The following MALT1 variants were observed in gnomAD, a reference collection of about 807,000 sequenced individuals.
MALT1 encodes the protein MALT1 paracaspase, also known as mucosa-associated lymphoid tissue lymphoma translocation protein 1.
MALT1 carries 36 observed loss-of-function variants against 85.5 expected under a neutral mutation model. The observed-to-expected ratio is 0.42, with a 90% CI of 0.32 to 0.56. The LOEUF (loss-of-function observed/expected upper bound fraction) is 0.56, where lower values mean the gene tolerates loss of function less well. Ranked by LOEUF, MALT1 falls within the 20% of genes least tolerant of loss-of-function variation. The pLI, the probability that MALT1 is intolerant of heterozygous loss-of-function variation, is 0.10. For missense variants in MALT1, 716 were observed against 981.6 expected, an observed-to-expected ratio of 0.73 and a Z score of 3.62; for synonymous variants, 359 against 361.3, an observed-to-expected ratio of 0.99 and a Z score of 0.07.
At chr18:58,695,128 C>G (rs561303940) in intron 2 of MALT1, among the ~76,000 whole-genome samples, 1 of 152,212 alleles carries the variant, frequency 6.6e-6, no homozygotes, top group African/African-American at 2.4e-5. Flanking sequence ...GTGAGACATG[C>G]CTTTCACCTT....
chr18:58,731,856 G>A (rs1431064801), intron 10 of MALT1, among the ~76,000 whole-genome samples: 1 of 151,908 alleles, frequency 6.6e-6, no homozygotes, highest in Non-Finnish European at 1.5e-5. Flanking sequence ...CTTCTTTTTT[G>A]TTTCTCTCAG....
intron 1 of MALT1, among the ~76,000 whole-genome samples, chr18:58,676,877 A>G (rs980210048): frequency 1.3e-5 from 2 of 152,220 alleles, no homozygotes; most frequent in African/African-American, 4.8e-5. Flanking sequence ...CCAAATAGTA[A>G]ATGTACCAAG....
rs140149024 is a variant in MALT1, at chr18:58,722,120, T to TTTA, written c.1019-928_1019-927insTTA. 3.9e-4 allele frequency among the ~76,000 whole-genome samples: 59 copies of TTTA among 150,728 alleles called. No homozygotes were observed. The East Asian group carries it at 8.9e-3, about 23-fold the overall frequency. ...GGTGTGTTCTTTATTTTTTTTTTTTTATTTTTTTCTTCCCTTTGATACCAG... is the reference window on the plus strand; with the variant it reads ...GGTGTGTTCTTTATTTTTTTTTTTTTTTAATTTTTTTCTTCCCTTTGATACCAG... On this transcript the variant is annotated intron_variant, in intron 9 of 16. Transcript: ENST00000649217.
chr18:58,674,976 A>G (rs975186199), intron 1 of MALT1, among the ~76,000 whole-genome samples: 3 of 152,252 alleles, frequency 2.0e-5, no homozygotes, highest in Non-Finnish European at 4.4e-5. Context: ...ACAAGAGATT[A>G]GAAATAATTG....
intron 2 of MALT1, among the ~76,000 whole-genome samples, chr18:58,686,578 A>T (rs2054406911): frequency 6.6e-6 from 1 of 152,204 alleles, no homozygotes; most frequent in Non-Finnish European, 1.5e-5. Flanking sequence ...TTCACTCTTC[A>T]TATGAAAGGT....
chr18:58,693,315 G>C (rs751128514), intron 2 of MALT1, among the ~76,000 whole-genome samples: 2 of 152,252 alleles, frequency 1.3e-5, no homozygotes, highest in African/African-American at 2.4e-5. Flanking sequence ...CCAGCCACTC[G>C]GGAGGCTGAG....
At chr18:58,674,200 G>C (rs2054207446) in intron 1 of MALT1, 1 of 152,226 alleles carries the variant, frequency 6.6e-6, no homozygotes, top group Non-Finnish European at 1.5e-5. Flanking sequence ...TCCAAAAGCA[G>C]CGGATACTTG....
At chr18:58,678,534 T>C (rs2054274215) in intron 1 of MALT1, among the ~76,000 whole-genome samples, 1 of 152,160 alleles carries the variant, frequency 6.6e-6, no homozygotes, top group African/African-American at 2.4e-5. Context: ...ATAATCTAGT[T>C]GGATAAGGCA....
intron 8 of MALT1, among the ~76,000 whole-genome samples, 165 bp from the exon 9 acceptor site, chr18:58,715,770 C>T (rs988755460): frequency 1.3e-5 from 2 of 152,158 alleles, no homozygotes; most frequent in African/African-American, 4.8e-5. Flanking sequence ...CTATTGTGAA[C>T]ACCACCATCG....
At chr18:58,699,259 G>C (rs1490484462) in intron 3 of MALT1, among the ~76,000 whole-genome samples, 2 of 152,208 alleles carry the variant, frequency 1.3e-5, no homozygotes, top group African/African-American at 4.8e-5. Context: ...ATTTCTGTCT[G>C]AAGTCAGTGC....
intron 9 of MALT1, 133 bp from the exon 10 acceptor site, chr18:58,722,915 T>C (rs1568145576): frequency 1.6e-6 from 1 of 636,254 alleles, no homozygotes; most frequent in East Asian, 2.8e-5. Flanking sequence ...TAAAATGAAA[T>C]TAAATAATGA....
chr18:58,731,972 C>T (rs141571705), intron 10 of MALT1, among the ~76,000 whole-genome samples: 13 of 152,212 alleles, frequency 8.5e-5, no homozygotes, highest in African/African-American at 2.6e-4. Context: ...TTTGAAAGAA[C>T]CATTTTTCTC....
chr18:58,728,879 G>T (rs1041137491), intron 10 of MALT1, among the ~76,000 whole-genome samples: 6 of 152,120 alleles, frequency 3.9e-5, no homozygotes, highest in African/African-American at 1.2e-4. Context: ...CCTCAGAGTT[G>T]TATCTTCACC....
Position 58,750,261 on chromosome 18 carries a change from T to C in MALT1, c.*2419T>C, listed in dbSNP as rs1219145430. 6.7e-5 allele frequency: 11 copies of C among 165,386 alleles called. No homozygotes were observed. The highest frequency in any genetic ancestry group is 5.8e-4 in the Admixed American group (9 of 15,584). 10.2% of individuals were successfully genotyped at this position (165,386 alleles called of 1,614,324 possible). A position where few individuals can be genotyped will look rare whatever the true frequency, so the allele number is the denominator to read the frequency against. ...TCCAACACGTTTAAAGAAATTAAGATCCAGATAAATGGAAAGACATCCATG... is the reference window on the plus strand; with the variant it reads ...TCCAACACGTTTAAAGAAATTAAGACCCAGATAAATGGAAAGACATCCATG... On this transcript the variant is annotated 3_prime_UTR_variant, in exon 17 of 17. Transcript: ENST00000649217.
rs971861538 is a variant in MALT1, at chr18:58,748,704, A to G, written c.*862A>G. On this transcript the variant is annotated 3_prime_UTR_variant, in exon 17 of 17. Coordinates refer to ENST00000649217, the MANE Select transcript of MALT1 (RefSeq NM_006785.4). ...TCTTGAATTTCACTGGCCTAATGAG[A>G]TAATACTCTTATCTTTGGCTCTACC... 3.1e-5 allele frequency: 6 copies of G among 194,804 alleles called. No homozygotes were observed. The highest frequency in any genetic ancestry group is 1.8e-3 in the Middle Eastern group (1 of 560). The allele number at this position is 194,804 out of a possible 1,614,324, so 12.1% of individuals were successfully genotyped here. A position where few individuals can be genotyped will look rare whatever the true frequency, so the allele number is the denominator to read the frequency against.
At position 58,748,475 on chromosome 18, in the gene MALT1, TTTAG is replaced by T. The variant is rs1304594583; in HGVS notation, c.*637_*640del. On this transcript the variant is annotated 3_prime_UTR_variant, in exon 17 of 17. Transcript: ENST00000649217. ...TGATTATAAGGACTTCACTGCAAGTTTTAGTTAAGAGGTTTGTATATAAATCTGT... is the reference window on the plus strand; with the variant it reads ...TGATTATAAGGACTTCACTGCAAGTTTTAAGAGGTTTGTATATAAATCTGT... 10 of 183,420 alleles carry T rather than the reference TTTAG, an allele frequency of 5.5e-5. No homozygotes were observed. In the East Asian group the frequency reaches 8.7e-4, roughly 16 times the overall value. The allele number at this position is 183,420 out of a possible 1,614,324, so 11.4% of individuals were successfully genotyped here. A position where few individuals can be genotyped will look rare whatever the true frequency, so the allele number is the denominator to read the frequency against.
At position 58,700,910 on chromosome 18, in the gene MALT1, A is replaced by G. The variant is rs1204155886; in HGVS notation, c.649+319A>G. On this transcript the variant is annotated intron_variant, in intron 4 of 16. Coordinates refer to ENST00000649217, the MANE Select transcript of MALT1 (RefSeq NM_006785.4). ...AGGTTCAAGTGATTCCTCTTGCCTT[A>G]TCCTCCTGAGTAGCTGGGATTACAG... Among the ~76,000 whole-genome samples, 4 of 152,082 alleles carry G rather than the reference A, an allele frequency of 2.6e-5. No individual in the cohort carries two copies. The East Asian group carries it at 7.7e-4, about 29-fold the overall frequency.
intron 2 of MALT1, among the ~76,000 whole-genome samples, chr18:58,684,439 C>CTTTTTTTTTTTTTTTTTTTTTTTTTTTTT (rs548214354): frequency 1.4e-5 from 1 of 73,546 alleles, no homozygotes; most frequent in Non-Finnish European, 2.7e-5. Flanking sequence ...AAGATTTACT[C>CTTTTTTTTTTTTTTTTTTTTTTTTTTTTT]TTTTTTTTTT....
intron 6 of MALT1, 51 bp downstream of exon 6, chr18:58,710,123 T>A: frequency 9.1e-7 from 1 of 1,100,892 alleles, no homozygotes; most frequent in Non-Finnish European, 1.4e-6. Flanking sequence ...ATATAAGCTA[T>A]ATAAACTGCA....
Sources: allele counts gnomAD v4.1 joint callset (sites outside exome capture counted in the v4.1 genomes callset), GRCh38; gene constraint gnomAD v4.1.1; transcripts MANE v1.5; gene names NCBI Gene and HGNC (gene_info 2026-07-23, HGNC 2026-07-21).